Variants in CNTNAP2 observed in about 807,000 individuals in gnomAD.
CNTNAP2 encodes contactin-associated protein-like 2.
In CNTNAP2, 98 loss-of-function variants were observed where a neutral mutation model predicts 155.2. That is an observed-to-expected ratio of 0.63 (90% confidence interval 0.54 to 0.75). CNTNAP2 has a LOEUF of 0.75. Ranked by LOEUF, CNTNAP2 falls within the 30% of genes least tolerant of loss-of-function variation. CNTNAP2 has a pLI of 0.00. For synonymous variants in CNTNAP2, 651 were observed against 631.2 expected, an observed-to-expected ratio of 1.03 and a Z score of -0.47; for missense variants, 1,727 against 1,688.1, an observed-to-expected ratio of 1.02 and a Z score of -0.40.
At chr7:147,640,631 G>A (rs758492413) in intron 13 of CNTNAP2, among the ~76,000 whole-genome samples, 3 of 152,130 alleles carry the variant, frequency 2.0e-5, no homozygotes, top group Non-Finnish European at 4.4e-5. Flanking sequence ...ATAAGGCTCC[G>A]ATGACTGAAG....
At chr7:147,441,086 G>A (rs1466655346) in intron 10 of CNTNAP2, among the ~76,000 whole-genome samples, 1 of 151,934 alleles carries the variant, frequency 6.6e-6, no homozygotes, top group African/African-American at 2.4e-5. Context: ...TTGTATTTAA[G>A]GCCAATAAGT....
At chr7:146,400,465 T>C (rs1033233326) in intron 1 of CNTNAP2, among the ~76,000 whole-genome samples, 3 of 152,196 alleles carry the variant, frequency 2.0e-5, no homozygotes, top group Non-Finnish European at 4.4e-5. Flanking sequence ...GTTTTAGTTA[T>C]CTCTTATAAG....
chr7:146,701,191 T>A (rs750822542), intron 1 of CNTNAP2, among the ~76,000 whole-genome samples: 1 of 152,220 alleles, frequency 6.6e-6, no homozygotes, highest in Non-Finnish European at 1.5e-5. Flanking sequence ...ACAAGGCCGA[T>A]GTTCTGCTGG....
intron 16 of CNTNAP2, among the ~76,000 whole-genome samples, chr7:148,123,682 AGGAAAAAG>A (rs1804651644): frequency 2.8e-5 from 4 of 144,104 alleles, no homozygotes; most frequent in South Asian, 2.2e-4. Flanking sequence ...GAAGGAAGGA[AGGAAAAAG>A]AAAGAGAAAG....
At chr7:146,440,615 T>G (rs962965900) in intron 1 of CNTNAP2, among the ~76,000 whole-genome samples, 4 of 151,546 alleles carry the variant, frequency 2.6e-5, no homozygotes, top group African/African-American at 9.8e-5. Flanking sequence ...TCTTGAGAAT[T>G]TCATTACCTA....
chr7:147,100,436 A>G (rs2129277370), intron 4 of CNTNAP2, among the ~76,000 whole-genome samples: 1 of 152,328 alleles, frequency 6.6e-6, no homozygotes, highest in African/African-American at 2.4e-5. Flanking sequence ...ACTGCTCTAA[A>G]AGGTGTTTAA....
At chr7:147,841,273 T>C (rs2116651928) in intron 13 of CNTNAP2, among the ~76,000 whole-genome samples, 1 of 152,344 alleles carries the variant, frequency 6.6e-6, no homozygotes, top group East Asian at 1.9e-4. Flanking sequence ...TTTTACAATC[T>C]GAATCTTTGA....
intron 9 of CNTNAP2, among the ~76,000 whole-genome samples, chr7:147,362,586 T>G (rs1337172655): frequency 7.2e-5 from 11 of 152,204 alleles, no homozygotes; most frequent in Non-Finnish European, 1.5e-4. Context: ...AGCTATAATT[T>G]AGAACTGCCA....
intron 4 of CNTNAP2, among the ~76,000 whole-genome samples, chr7:147,067,088 C>T (rs755093302): frequency 1.2e-4 from 18 of 152,028 alleles, no homozygotes; most frequent in South Asian, 1.0e-3. Context: ...GTCAAGAGAC[C>T]GAGGCCATCC....
At chr7:147,192,124 A>G (rs767104161) in intron 8 of CNTNAP2, among the ~76,000 whole-genome samples, 1 of 152,250 alleles carries the variant, frequency 6.6e-6, no homozygotes, top group Admixed American at 6.5e-5. Context: ...GAAGTAAAAT[A>G]GTCATTTGGT....
At chr7:147,400,868 T>A (rs562108277) in intron 10 of CNTNAP2, among the ~76,000 whole-genome samples, 10 of 152,348 alleles carry the variant, frequency 6.6e-5, no homozygotes, top group African/African-American at 2.4e-4. Context: ...CTTATCTAAG[T>A]AATTATGAAT....
In CNTNAP2 at chr7:146,369,048, TATAC is replaced by T. The variant is rs1206673081; in HGVS notation, c.97+252079_97+252082del. On this transcript the variant is annotated intron_variant, in intron 1 of 23. Transcript: ENST00000361727. ...CATTATGTATATATATATATATATA[TATAC>T]ATATATATATATACTCATAACTCTT... Among the ~76,000 whole-genome samples, 1,266 of 138,768 alleles carry T rather than the reference TATAC, an allele frequency of 9.1e-3. 38 individuals carry two copies. The highest frequency in any genetic ancestry group is 0.063 in the Admixed American group (879 of 14,052). 91.0% of individuals were successfully genotyped at this position (138,768 alleles called of 152,430 possible).
intron 14 of CNTNAP2, among the ~76,000 whole-genome samples, chr7:147,955,290 T>A (rs1801001310): frequency 6.6e-6 from 1 of 152,190 alleles, no homozygotes; most frequent in Non-Finnish European, 1.5e-5. Flanking sequence ...ACTGACAAAC[T>A]TTAAATATTT....
intron 11 of CNTNAP2, among the ~76,000 whole-genome samples, chr7:147,527,284 C>A (rs972155421): frequency 6.6e-6 from 1 of 152,092 alleles, no homozygotes; most frequent in East Asian, 1.9e-4. Context: ...CGGCCTCCCA[C>A]AGTGCTGGGA....
At chr7:146,757,025 A>G (rs1206226920) in intron 1 of CNTNAP2, among the ~76,000 whole-genome samples, 5 of 152,152 alleles carry the variant, frequency 3.3e-5, no homozygotes, top group South Asian at 4.1e-4. Context: ...AAATTCCCTT[A>G]AGGATGCATC....
intron 15 of CNTNAP2, among the ~76,000 whole-genome samples, chr7:148,007,035 C>A (rs771806873): frequency 4.6e-5 from 7 of 152,196 alleles, no homozygotes; most frequent in Non-Finnish European, 8.8e-5. Flanking sequence ...GAGAGCAGTT[C>A]TTAACTGACT....
intron 2 of CNTNAP2, among the ~76,000 whole-genome samples, chr7:146,801,120 T>A (rs1352569215): frequency 1.3e-5 from 2 of 152,152 alleles, no homozygotes; most frequent in Non-Finnish European, 2.9e-5. Flanking sequence ...CCTTAGGAAG[T>A]CTTTACCCTT....
chr7:146,499,821 A>G (rs1294546509), intron 1 of CNTNAP2, among the ~76,000 whole-genome samples: 1 of 152,160 alleles, frequency 6.6e-6, no homozygotes, highest in Non-Finnish European at 1.5e-5. Flanking sequence ...TGCTGTTTTA[A>G]CACTGTAACT....
intron 13 of CNTNAP2, among the ~76,000 whole-genome samples, chr7:147,875,935 G>C (rs1799413417): frequency 6.6e-6 from 1 of 152,010 alleles, no homozygotes; most frequent in South Asian, 2.1e-4. Context: ...AGAGTACAGA[G>C]GTAAAGAATA....
Sources: allele counts gnomAD v4.1 joint callset (sites outside exome capture counted in the v4.1 genomes callset), GRCh38; gene constraint gnomAD v4.1.1; transcripts MANE v1.5; gene names NCBI Gene and HGNC (gene_info 2026-07-23, HGNC 2026-07-21).